The following IER3IP1 variants were observed in gnomAD, a reference collection of about 807,000 sequenced individuals.
IER3IP1 encodes immediate early response 3-interacting protein 1.
IER3IP1 carries 16 observed loss-of-function variants against 12.2 expected under a neutral mutation model. That is an observed-to-expected ratio of 1.31 (90% CI 0.89 to 1.99). The LOEUF (loss-of-function observed/expected upper bound fraction) is 1.99, where lower values mean the gene tolerates loss of function less well. IER3IP1 is among the 30% of genes most tolerant of loss of function. IER3IP1 has a pLI of 0.00. For synonymous variants in IER3IP1, 42 were observed against 40.0 expected (o/e 1.05, Z -0.19); for missense variants, 95 against 95.8 (o/e 0.99, Z 0.03).
rs1599990657 is a variant in IER3IP1 at position 47,155,427 on chromosome 18, G to A, written c.*750C>T. ...ACTGCTCTTGTGGGCTAATATTTAC[G>A]CTGTTGTTTTTTTTAAATCATCATT... On this transcript the variant is annotated 3_prime_UTR_variant, in exon 3 of 3. Transcript: ENST00000256433. 1 of 151,706 alleles carries A rather than the reference G, an allele frequency of 6.6e-6. No individual in the cohort carries two copies. The highest frequency in any genetic ancestry group is 1.5e-5 in the Non-Finnish European group (1 of 67,912). The allele number at this position is 151,706 out of a possible 1,614,324, so 9.4% of individuals were successfully genotyped here.
chr18:47,175,307 G>T (rs72909212), intron 1 of IER3IP1, among the ~76,000 whole-genome samples: 1,831 of 152,200 alleles, frequency 0.012, 21 homozygotes, highest in Non-Finnish European at 0.019. Flanking sequence ...AACTTTTCTT[G>T]GAACATGAGT....
rs1568070115 is a variant in IER3IP1, at chr18:47,156,099, T to C, written c.*78A>G. On this transcript the variant is annotated 3_prime_UTR_variant, in exon 3 of 3. Coordinates refer to ENST00000256433, the MANE Select transcript of IER3IP1 (RefSeq NM_016097.5). ...AGTGCAAGGTCAGCCAGCTAAGATA[T>C]AAATATTCCAATAATGACCAAAGTA... is the stretch of plus-strand genomic sequence containing the variant. 2.2e-6 allele frequency: 2 copies of C among 918,094 alleles called. No homozygotes were observed. Among genetic ancestry groups the C allele is most frequent in the Non-Finnish European group, 1.8e-6 (1 of 554,386 alleles). The allele number at this position is 918,094 out of a possible 1,614,324, so 56.9% of individuals were successfully genotyped here.
chr18:47,176,064 C>T, intron 1 of IER3IP1, 123 bp downstream of exon 1: 1 of 835,804 alleles, frequency 1.2e-6, no homozygotes, highest in Non-Finnish European at 2.0e-6. Flanking sequence ...GCTTCCACTC[C>T]AAGCCGAGCC....
At position 47,156,305 on chromosome 18, in the gene IER3IP1, CT is replaced by C. The variant is rs1333969034; in HGVS notation, c.194-74del. 6 of 822,680 alleles carry C rather than the reference CT, an allele frequency of 7.3e-6. No homozygotes were observed. The East Asian group carries it at 1.5e-4, about 20-fold the overall frequency. The allele number at this position is 822,680 out of a possible 1,614,324, so 51.0% of individuals were successfully genotyped here. A position where few individuals can be genotyped will look rare whatever the true frequency, so the allele number is the denominator to read the frequency against. On this transcript the variant is annotated intron_variant, in intron 2 of 2. Coordinates refer to ENST00000256433, the MANE Select transcript of IER3IP1 (RefSeq NM_016097.5). The stretch of plus-strand genomic sequence containing the variant: ...AAAAAACCAGAAAATAATAATTAGC[CT>C]CCAGGAACAATAGAAATATCTAACA...
rs2064017721 is a variant in IER3IP1 at position 47,172,183 on chromosome 18, T to C, written c.91+4004A>G. 6.6e-6 allele frequency among the ~76,000 whole-genome samples: 1 copy of C among 152,204 alleles called. No homozygotes were observed. Among genetic ancestry groups the C allele is most frequent in the Non-Finnish European group, 1.5e-5 (1 of 68,028 alleles). ...TGCTGACTTGTTGAAGAGACAGGGCTAGTTTTCACTGTCACTGCTGAGATA... is the reference window on the plus strand; with the variant it reads ...TGCTGACTTGTTGAAGAGACAGGGCCAGTTTTCACTGTCACTGCTGAGATA... On this transcript the variant is annotated intron_variant, in intron 1 of 2. Transcript: ENST00000256433. The surrounding 1 kb of genome is among the most constrained non-coding windows in gnomAD (Gnocchi z 4.0).
intron 1 of IER3IP1, among the ~76,000 whole-genome samples, chr18:47,160,149 C>T (rs182580261): frequency 0.012 from 1,865 of 151,284 alleles, 6 homozygotes; most frequent in African/African-American, 0.018. Context: ...GAGCCGAGAC[C>T]GTGCCATTGC....
intron 1 of IER3IP1, among the ~76,000 whole-genome samples, chr18:47,157,820 T>C (rs955413230): frequency 2.0e-5 from 3 of 152,156 alleles, no homozygotes; most frequent in African/African-American, 4.8e-5. Context: ...TTTGTAACTG[T>C]TTTTTTCTCC....
At chr18:47,156,809 T>C (rs982168758) in intron 2 of IER3IP1, 2 of 147,868 alleles carry the variant, frequency 1.4e-5, no homozygotes, top group Non-Finnish European at 3.0e-5. Flanking sequence ...TTTTTTTTTT[T>C]TGAGACAGAG....
At chr18:47,168,595 G>C (rs914418798) in intron 1 of IER3IP1, among the ~76,000 whole-genome samples, 1 of 152,174 alleles carries the variant, frequency 6.6e-6, no homozygotes, top group African/African-American at 2.4e-5. Flanking sequence ...TAGGACCACA[G>C]TTCATTCTTT....
intron 1 of IER3IP1, among the ~76,000 whole-genome samples, chr18:47,165,061 G>A (rs1447890579): frequency 2.0e-5 from 3 of 152,192 alleles, no homozygotes; most frequent in African/African-American, 4.8e-5. Context: ...ACTAGTAACA[G>A]TTTTGAGAGC....
At chr18:47,163,944 A>C (rs2063987764) in intron 1 of IER3IP1, among the ~76,000 whole-genome samples, 2 of 152,136 alleles carry the variant, frequency 1.3e-5, no homozygotes, top group Admixed American at 6.5e-5. Context: ...TCATTGGTAA[A>C]ATTATCAATC....
intron 1 of IER3IP1, among the ~76,000 whole-genome samples, chr18:47,173,897 T>G (rs897054774): frequency 6.6e-6 from 1 of 152,218 alleles, no homozygotes; most frequent in Admixed American, 6.5e-5. Flanking sequence ...CTGCCTCAGT[T>G]GTCACATGAT....
chr18:47,158,245 A>G (rs762159390), intron 1 of IER3IP1, among the ~76,000 whole-genome samples: 5 of 152,212 alleles, frequency 3.3e-5, no homozygotes, highest in Non-Finnish European at 7.3e-5. Flanking sequence ...GCCTAGGCTA[A>G]TATCAAGTGA....
At chr18:47,173,142 A>C (rs1215575483) in intron 1 of IER3IP1, among the ~76,000 whole-genome samples, 3 of 152,200 alleles carry the variant, frequency 2.0e-5, no homozygotes, top group Admixed American at 2.0e-4. Context: ...TATCTCATAG[A>C]AATCTCAAAC....
In IER3IP1 at chr18:47,174,648, G is replaced by A. The variant is rs556706829; in HGVS notation, c.91+1539C>T. Among the ~76,000 whole-genome samples, 155 of 150,482 alleles carry A rather than the reference G, an allele frequency of 1.0e-3. 1 individual carries two copies. The Middle Eastern group carries it at 0.017, about 17-fold the overall frequency. On this transcript the variant is annotated intron_variant, in intron 1 of 2. Transcript: ENST00000256433. ...TGCGCCACTGCACTCCAGCCGGGGG[G>A]ACAGGGTGAGACTCCGTCTCAAAAA...
At position 47,153,024 on chromosome 18, in the gene IER3IP1, T is replaced by C. The variant is rs1230235874; in HGVS notation, c.*3153A>G. On this transcript the variant is annotated 3_prime_UTR_variant, in exon 3 of 3. Coordinates refer to ENST00000256433, the MANE Select transcript of IER3IP1 (RefSeq NM_016097.5). ...GAGGTCTTAGGAAGTTTATTTGCTT[T>C]CAGTCACATGGTAAAAGGTTTGCTT... is the stretch of plus-strand genomic sequence containing the variant. 6.6e-6 allele frequency: 1 copy of C among 152,232 alleles called. No homozygotes were observed. 9.4% of individuals were successfully genotyped at this position (152,232 alleles called of 1,614,324 possible).
At chr18:47,175,570 T>A (rs1342976173) in intron 1 of IER3IP1, among the ~76,000 whole-genome samples, 2 of 152,160 alleles carry the variant, frequency 1.3e-5, no homozygotes, top group East Asian at 3.9e-4. Context: ...TTTAAGTGAT[T>A]CTCCTGCCTC....
In IER3IP1 at chr18:47,156,179, A is replaced by T. The variant is rs1487178831; in HGVS notation, c.247T>A (p.Ter83ArgextTer15). 2 of 1,527,860 alleles carry T rather than the reference A, an allele frequency of 1.3e-6. No homozygotes were observed. The highest frequency in any genetic ancestry group is 1.8e-6 in the Non-Finnish European group (2 of 1,101,674). The allele number at this position is 1,527,860 out of a possible 1,614,324, so 94.6% of individuals were successfully genotyped here. The change falls in exon 3 of 3, where the codon TGA becomes AGA. Residue 83 changes from the stop codon to arginine (R), a stop_lost. Coordinates refer to ENST00000256433, the MANE Select transcript of IER3IP1 (RefSeq NM_016097.5). ...GTCTCCATTTTCTCCACTGATATTC[A>T]TCCAAATAATAAAAGTAACACAATT... The part of the protein sequence containing the change: ...IAIVLLLLFG[*>R]
intron 1 of IER3IP1, among the ~76,000 whole-genome samples, chr18:47,174,600 C>T (rs1434098169): frequency 1.3e-5 from 2 of 150,540 alleles, no homozygotes; most frequent in African/African-American, 2.4e-5. Flanking sequence ...ACCTGGGAGG[C>T]GGAGGATGCA....
Sources: allele counts gnomAD v4.1 joint callset (sites outside exome capture counted in the v4.1 genomes callset), GRCh38; gene constraint gnomAD v4.1.1; non-coding constraint Gnocchi (gnomAD v3.1); transcripts MANE v1.5; gene names NCBI Gene and HGNC (gene_info 2026-07-23, HGNC 2026-07-21).